The following CTPS2 variants were observed in gnomAD, a reference collection of about 807,000 sequenced individuals.
CTPS2 encodes CTP synthase 2.
In CTPS2, 19 loss-of-function variants were observed where a neutral mutation model predicts 46.8. That is an observed-to-expected ratio of 0.41 (90% CI 0.28 to 0.60). The LOEUF is 0.60. CTPS2 is among the 20% of genes least tolerant of loss of function. The pLI, the probability that CTPS2 is intolerant of heterozygous loss-of-function variation, is 0.35. For missense variants in CTPS2, 286 were observed against 447.6 expected (o/e 0.64, Z 3.26); for synonymous variants, 151 against 165.2 (o/e 0.91, Z 0.66).
rs369289612 is a variant in CTPS2 at position 16,599,005 on chromosome X, A to T, written c.1692-8143T>A. Among the ~76,000 whole-genome samples the T allele has an allele frequency of 2.9e-4, 33 of 112,295 alleles. No individual in the cohort carries two copies. The East Asian group carries it at 6.4e-3, about 22-fold the overall frequency. On this transcript the variant is annotated intron_variant, in intron 17 of 18. Transcript: ENST00000359276. ...CAGAAAAGGCCTTTGACAGAATTCA[A>T]CAACCCTTCATGCTAAAAACTCTCA...
chrX:16,635,606 G>A (rs979046174), intron 14 of CTPS2, among the ~76,000 whole-genome samples: 4 of 110,479 alleles, frequency 3.6e-5, no homozygotes, highest in Non-Finnish European at 7.6e-5. Context: ...CCTGGGAGAC[G>A]GAGGTTGCAG....
At chrX:16,616,617 T>C (rs1930542877) in intron 16 of CTPS2, among the ~76,000 whole-genome samples, 1 of 112,006 alleles carries the variant, frequency 8.9e-6, no homozygotes, top group Non-Finnish European at 1.9e-5. Flanking sequence ...GCATACTACT[T>C]GTAGAACTGG....
chrX:16,626,627 C>T (rs1931165987), intron 14 of CTPS2, among the ~76,000 whole-genome samples: 1 of 111,373 alleles, frequency 9.0e-6, no homozygotes, highest in Non-Finnish European at 1.9e-5. Context: ...CATCCAGCCC[C>T]ACTCTTGTCC....
intron 11 of CTPS2, among the ~76,000 whole-genome samples, chrX:16,668,371 G>A (rs1307790071): frequency 9.6e-6 from 1 of 104,609 alleles, no homozygotes; most frequent in African/African-American, 3.5e-5. Context: ...TCAGGAGATC[G>A]AGACCATCCT....
At chrX:16,610,558 C>T (rs1435811168) in intron 16 of CTPS2, among the ~76,000 whole-genome samples, 2 of 111,967 alleles carry the variant, frequency 1.8e-5, no homozygotes, top group South Asian at 3.7e-4. Context: ...CAGATGCTGG[C>T]AAGGCTGTGG....
At chrX:16,674,820 AAG>A (rs1922124124) in intron 10 of CTPS2, among the ~76,000 whole-genome samples, 3 of 107,338 alleles carry the variant, frequency 2.8e-5, no homozygotes, top group Non-Finnish European at 5.8e-5. Flanking sequence ...CCTGGGCAAC[AAG>A]GCGAGACTCC....
At chrX:16,700,558 T>C (rs1456442255) in intron 2 of CTPS2, among the ~76,000 whole-genome samples, 1 of 103,494 alleles carries the variant, frequency 9.7e-6, no homozygotes, top group Non-Finnish European at 2.0e-5. Context: ...TGAGACTCTG[T>C]CTCAAAAAAA....
rs192427250 is a variant in CTPS2, at chrX:16,685,736, G to A, written c.873-2510C>T. Among the ~76,000 whole-genome samples the A allele has an allele frequency of 6.0e-3, 647 of 107,053 alleles. 3 individuals are homozygous for A. The highest frequency in any genetic ancestry group is 0.016 in the Admixed American group (162 of 9,864). 93.0% of individuals were successfully genotyped at this position (107,053 alleles called of 115,157 possible). On this transcript the variant is annotated intron_variant, in intron 8 of 18. Coordinates refer to ENST00000359276, the MANE Select transcript of CTPS2 (RefSeq NM_175859.3). ...AAAAAAATTAGCCGGGCGTGGTGGTGGGCGCCTGTAGTCCCAGCTACTCGG... is the reference window on the plus strand; with the variant it reads ...AAAAAAATTAGCCGGGCGTGGTGGTAGGCGCCTGTAGTCCCAGCTACTCGG...
intron 16 of CTPS2, among the ~76,000 whole-genome samples, chrX:16,610,840 C>A (rs771400345): frequency 8.9e-6 from 1 of 112,442 alleles, no homozygotes; most frequent in Non-Finnish European, 1.9e-5. Context: ...CACATATATA[C>A]CATGGAATAG....
chrX:16,656,412 CTT>C (rs764147514), intron 13 of CTPS2, among the ~76,000 whole-genome samples: 3 of 100,362 alleles, frequency 3.0e-5, no homozygotes, highest in Non-Finnish European at 2.1e-5. Context: ...TTCCACTTTC[CTT>C]TTTTTTTTTT....
chrX:16,602,088 G>T (rs1929702334), intron 17 of CTPS2, among the ~76,000 whole-genome samples: 1 of 111,855 alleles, frequency 8.9e-6, no homozygotes, highest in Non-Finnish European at 1.9e-5. Flanking sequence ...CCCCAGGGGA[G>T]TCCAGCCAGG....
Position 16,689,598 on chromosome X carries a change from T to C in CTPS2, c.724A>G (p.Ile242Val). 1 of 1,201,445 alleles carries C rather than the reference T, an allele frequency of 8.3e-7. No individual in the cohort carries two copies. Among genetic ancestry groups the C allele is most frequent in the Non-Finnish European group, 1.1e-6 (1 of 889,564 alleles). ...GTGGAAGAAACATCATGGATACATA[T>C]GACCTAAGTGGCGATGAGAAATCAC... The part of the protein sequence containing the change: ...MFCHVNPEQV[I>V]CIHDVSSTYR... The change falls in exon 8 of 19, where the codon ATA (isoleucine) becomes GTA (valine). Residue 242 changes from isoleucine (I) to valine (V), a missense_variant. Physicochemically the swap from Ile to Val is conservative, Grantham distance 29 (BLOSUM62 3). Coordinates refer to ENST00000359276, the MANE Select transcript of CTPS2 (RefSeq NM_175859.3).
chrX:16,699,193 G>C (rs1354554882), intron 2 of CTPS2, 100 bp from the exon 3 acceptor site: 5 of 575,025 alleles, frequency 8.7e-6, no homozygotes, highest in Non-Finnish European at 1.1e-5. Flanking sequence ...AGATGTATTT[G>C]TAAGCCATAT....
chrX:16,657,507 T>A (rs1247311492), intron 13 of CTPS2, among the ~76,000 whole-genome samples: 2 of 110,922 alleles, frequency 1.8e-5, no homozygotes, highest in Non-Finnish European at 3.8e-5. Flanking sequence ...GCTTGAAATT[T>A]CCTGGAAAAT....
At chrX:16,600,076 C>T (rs1348416380) in intron 17 of CTPS2, among the ~76,000 whole-genome samples, 2 of 112,538 alleles carry the variant, frequency 1.8e-5, no homozygotes, top group African/African-American at 6.5e-5. Flanking sequence ...GCCCAGCCAA[C>T]ATGTGGCTCT....
intron 8 of CTPS2, among the ~76,000 whole-genome samples, chrX:16,685,156 G>A: frequency 8.9e-6 from 1 of 111,847 alleles, no homozygotes; most frequent in Non-Finnish European, 1.9e-5. Flanking sequence ...TAGAGATGAT[G>A]TCAGAGGCAG....
chrX:16,672,243 T>C (rs766248160), intron 10 of CTPS2, among the ~76,000 whole-genome samples: 13 of 111,098 alleles, frequency 1.2e-4, no homozygotes, highest in Non-Finnish European at 2.1e-4. Flanking sequence ...CCATGGGACA[T>C]GGGGAGCTTT....
intron 13 of CTPS2, 63 bp from the exon 14 acceptor site, chrX:16,639,306 GC>G: frequency 1.2e-6 from 1 of 834,451 alleles, no homozygotes; most frequent in Non-Finnish European, 1.8e-6. Context: ...CAAATTTCAA[GC>G]TTTACGTTTA....
intron 10 of CTPS2, among the ~76,000 whole-genome samples, chrX:16,676,344 G>T (rs1922269995): frequency 9.0e-6 from 1 of 111,440 alleles, no homozygotes; most frequent in African/African-American, 3.3e-5. Flanking sequence ...TTTCTGACAG[G>T]TCCAGGAGCC....
Sources: gnomAD v4.1 joint callset for allele counts (sites outside exome capture counted in the v4.1 genomes callset) on GRCh38, gnomAD v4.1.1 for gene constraint, MANE v1.5 for transcripts, NCBI Gene and HGNC (gene_info 2026-07-23, HGNC 2026-07-21) for gene names.